MYO5B: variants seen among roughly 807,000 people sequenced by gnomAD.
MYO5B encodes myosin VB.
Under a neutral mutation model 229.3 loss-of-function variants are expected in MYO5B, and 143 were observed. The observed-to-expected ratio is 0.62, with a 90% CI of 0.54 to 0.72. The LOEUF is 0.72. Ranked by LOEUF, MYO5B falls within the 30% of genes least tolerant of loss-of-function variation. The probability of loss-of-function intolerance (pLI) is 0.00; values close to 1 mark genes in which losing one functional copy is unlikely to be tolerated. For missense variants in MYO5B, 2,321 were observed against 2,331.0 expected, an observed-to-expected ratio of 1.00 and a Z score of 0.09; for synonymous variants, 918 against 885.2, an observed-to-expected ratio of 1.04 and a Z score of -0.66.
At chr18:50,112,961 C>T (rs2031893367) in intron 1 of MYO5B, among the ~76,000 whole-genome samples, 1 of 152,208 alleles carries the variant, frequency 6.6e-6, no homozygotes, top group Non-Finnish European at 1.5e-5. Flanking sequence ...CCACATTAAA[C>T]TTTAAAATCA....
chr18:49,973,799 A>G (rs1030926139), intron 10 of MYO5B, among the ~76,000 whole-genome samples: 6 of 152,204 alleles, frequency 3.9e-5, no homozygotes, highest in Non-Finnish European at 5.9e-5. Context: ...AAATAAAGTT[A>G]TAAATAACAG....
At chr18:50,002,931 C>T (rs990103476) in intron 4 of MYO5B, among the ~76,000 whole-genome samples, 28 of 152,102 alleles carry the variant, frequency 1.8e-4, no homozygotes, top group African/African-American at 6.5e-4. Flanking sequence ...GTTTGCCCTG[C>T]CTTGCTAACT....
intron 1 of MYO5B, among the ~76,000 whole-genome samples, chr18:50,056,317 C>T (rs190090271): frequency 1.3e-5 from 2 of 152,284 alleles, no homozygotes; most frequent in East Asian, 3.9e-4. Flanking sequence ...AATATCAATT[C>T]TTGGCTGTAC....
chr18:50,104,168 A>AAAAAAAAAAAG (rs1599023034), intron 1 of MYO5B, among the ~76,000 whole-genome samples: 1 of 1,828 alleles, frequency 5.5e-4, no homozygotes, highest in South Asian at 0.05. Context: ...CTTGTCTATT[A>AAAAAAAAAAAG]AAAAGAAAAA....
At chr18:49,879,121 T>TC (rs759990699) in intron 23 of MYO5B, 31 bp from the exon 24 acceptor site, 1 of 1,614,026 alleles carries the variant, frequency 6.2e-7, no homozygotes, top group Non-Finnish European at 8.5e-7. Context: ...CTGCAGTTTT[T>TC]CTGGATGGAT....
intron 1 of MYO5B, among the ~76,000 whole-genome samples, chr18:50,176,349 C>T (rs1021883036): frequency 2.0e-5 from 3 of 152,152 alleles, no homozygotes; most frequent in African/African-American, 7.2e-5. Context: ...CTGGGGTATC[C>T]TCAATGAGCT....
At chr18:49,980,248 G>T (rs971597707) in intron 9 of MYO5B, among the ~76,000 whole-genome samples, 196 bp downstream of exon 9, 1 of 152,088 alleles carries the variant, frequency 6.6e-6, no homozygotes, top group Admixed American at 6.5e-5. Context: ...CCCTGTCCTC[G>T]GCAACAGAAA....
intron 12 of MYO5B, among the ~76,000 whole-genome samples, chr18:49,960,035 C>T (rs1404357496): frequency 6.6e-6 from 1 of 152,130 alleles, no homozygotes; most frequent in African/African-American, 2.4e-5. Context: ...CTCTCCTCTG[C>T]AGCTGTGGCA....
In MYO5B at chr18:50,037,081, G is replaced by A. The variant is rs935830849; in HGVS notation, c.311-87C>T. 10 of 1,465,778 alleles carry A rather than the reference G, an allele frequency of 6.8e-6. No homozygotes were observed. The Admixed American group carries it at 8.5e-5, about 12-fold the overall frequency. The allele number at this position is 1,465,778 out of a possible 1,614,324, so 90.8% of individuals were successfully genotyped here. ...AAGGCACCCATCCATTCATACACAT[G>A]CCAAAAACCAAAGAATGAGAGGGCA... On this transcript the variant is annotated intron_variant, in intron 3 of 39. Coordinates refer to ENST00000285039, the MANE Select transcript of MYO5B (RefSeq NM_001080467.3).
At chr18:50,124,857 G>A (rs913901061) in intron 1 of MYO5B, among the ~76,000 whole-genome samples, 2 of 152,116 alleles carry the variant, frequency 1.3e-5, no homozygotes, top group Admixed American at 6.5e-5. Context: ...ATAAACTGCA[G>A]ATAACAACAT....
At chr18:50,134,747 G>A (rs970569596) in intron 1 of MYO5B, among the ~76,000 whole-genome samples, 2 of 152,042 alleles carry the variant, frequency 1.3e-5, no homozygotes, top group Admixed American at 1.3e-4. Flanking sequence ...GTGCCCTGGG[G>A]ATTGCTCACG....
intron 1 of MYO5B, among the ~76,000 whole-genome samples, chr18:50,082,471 G>A (rs556323651): frequency 6.6e-6 from 1 of 152,374 alleles, no homozygotes; most frequent in East Asian, 1.9e-4. Context: ...ACATGCAGAA[G>A]TCATTGTTTA....
intron 17 of MYO5B, among the ~76,000 whole-genome samples, chr18:49,921,256 GTTTTTT>G (rs11306054): frequency 1.6e-5 from 2 of 121,832 alleles, no homozygotes; most frequent in African/African-American, 5.9e-5. Context: ...TTCAAGCAGA[GTTTTTT>G]TTTTTTTTTT....
At chr18:49,866,312 G>A (rs1256832624) in intron 27 of MYO5B, among the ~76,000 whole-genome samples, 5 of 151,454 alleles carry the variant, frequency 3.3e-5, no homozygotes, top group South Asian at 2.1e-4. Context: ...CTCGTGATCC[G>A]CCCACCTCGG....
intron 1 of MYO5B, among the ~76,000 whole-genome samples, chr18:50,144,865 A>C (rs2032475207): frequency 6.6e-6 from 1 of 152,136 alleles, no homozygotes; most frequent in South Asian, 2.1e-4. Flanking sequence ...CCCCCAGATC[A>C]CTTCACATGC....
chr18:50,193,947 G>A (rs1397151976), intron 1 of MYO5B, among the ~76,000 whole-genome samples: 1 of 152,182 alleles, frequency 6.6e-6, no homozygotes, highest in East Asian at 1.9e-4. Flanking sequence ...GGCTGCACCT[G>A]TTCCCGATTC....
intron 17 of MYO5B, among the ~76,000 whole-genome samples, chr18:49,914,239 G>A (rs1008980677): frequency 5.3e-5 from 8 of 152,162 alleles, no homozygotes; most frequent in Non-Finnish European, 1.0e-4. Flanking sequence ...AAGGGCTTGT[G>A]CCGGTTCCTG....
At chr18:50,011,199 G>C (rs1055681669) in intron 4 of MYO5B, among the ~76,000 whole-genome samples, 2 of 152,196 alleles carry the variant, frequency 1.3e-5, no homozygotes, top group South Asian at 2.1e-4. Flanking sequence ...AAAATTAGCC[G>C]GGCGTGGTGG....
At chr18:49,909,896 A>G (rs2024939145) in intron 18 of MYO5B, among the ~76,000 whole-genome samples, 1 of 152,220 alleles carries the variant, frequency 6.6e-6, no homozygotes, top group African/African-American at 2.4e-5. Context: ...CATTTGTTCC[A>G]TAAATATTAG....
Sources: allele counts gnomAD v4.1 joint callset (sites outside exome capture counted in the v4.1 genomes callset), GRCh38; gene constraint gnomAD v4.1.1; transcripts MANE v1.5; gene names NCBI Gene and HGNC (gene_info 2026-07-23, HGNC 2026-07-21).